B4GALT1: variants seen among roughly 807,000 people sequenced by gnomAD.
B4GALT1 encodes N-acetyllactosamine synthase.
Under a neutral mutation model 34.9 loss-of-function variants are expected in B4GALT1, and 16 were observed. That is an observed-to-expected ratio of 0.46 (90% confidence interval 0.31 to 0.70). The LOEUF is 0.70. Ranked by LOEUF, B4GALT1 falls within the 30% of genes least tolerant of loss-of-function variation. B4GALT1 has a pLI of 0.05. For synonymous variants in B4GALT1, 221 were observed against 218.1 expected (o/e 1.01, Z -0.12); for missense variants, 445 against 530.5 (o/e 0.84, Z 1.58).
chr9:33,135,669 A>C (rs1203890512), intron 1 of B4GALT1, among the ~76,000 whole-genome samples: 1 of 152,196 alleles, frequency 6.6e-6, no homozygotes, highest in Admixed American at 6.5e-5. Flanking sequence ...CACTCTGTGA[A>C]GCACTCGCCT....
chr9:33,112,067 A>G lies in B4GALT1; in HGVS notation c.*1387T>C, dbSNP rs867596198. The stretch of plus-strand genomic sequence containing the variant: ...GTTTTAGGGGACAGGCAAGAGGCAA[A>G]GGAACAAAAAGGGAGACGAAGGAAG... On this transcript the variant is annotated 3_prime_UTR_variant, in exon 6 of 6. Coordinates refer to ENST00000379731, the MANE Select transcript of B4GALT1 (RefSeq NM_001497.4). 1.9e-4 allele frequency: 29 copies of G among 152,902 alleles called. No homozygotes were observed. Among genetic ancestry groups the G allele is most frequent in the Non-Finnish European group, 3.2e-4 (22 of 68,200 alleles). 9.5% of individuals were successfully genotyped at this position (152,902 alleles called of 1,614,324 possible). A position where few individuals can be genotyped will look rare whatever the true frequency, so the allele number is the denominator to read the frequency against.
intron 1 of B4GALT1, among the ~76,000 whole-genome samples, chr9:33,164,050 G>A (rs1422964597): frequency 6.6e-6 from 1 of 152,128 alleles, no homozygotes; most frequent in African/African-American, 2.4e-5. Flanking sequence ...AACTCCAACA[G>A]CAACCCATCA....
chr9:33,136,411 G>A (rs570967896), intron 1 of B4GALT1, among the ~76,000 whole-genome samples: 30 of 152,160 alleles, frequency 2.0e-4, no homozygotes, highest in Non-Finnish European at 2.9e-4. Context: ...TGAGAGTCAA[G>A]AGCCAAGGCT....
At chr9:33,181,272 T>G in the B4GALT1 span, among the ~76,000 whole-genome samples, 1 of 151,876 alleles carries the variant, frequency 6.6e-6, no homozygotes, top group Non-Finnish European at 1.5e-5. Flanking sequence ...ATAAAAAAAA[T>G]TAGCCAGGCG....
chr9:33,146,995 C>G (rs1840435652), intron 1 of B4GALT1, among the ~76,000 whole-genome samples: 1 of 152,118 alleles, frequency 6.6e-6, no homozygotes, highest in African/African-American at 2.4e-5. Flanking sequence ...GCCACCACAC[C>G]TGGCCCCCAA....
the B4GALT1 span, among the ~76,000 whole-genome samples, chr9:33,176,787 C>T: frequency 6.6e-6 from 1 of 152,126 alleles, no homozygotes; most frequent in Admixed American, 6.5e-5. Flanking sequence ...CAAACCTCAG[C>T]ATCATGCAAT....
At chr9:33,144,953 G>A (rs1483337194) in intron 1 of B4GALT1, among the ~76,000 whole-genome samples, 1 of 152,204 alleles carries the variant, frequency 6.6e-6, no homozygotes, top group African/African-American at 2.4e-5. Flanking sequence ...TCTTGCCTTT[G>A]ATGTTTTAGA....
chr9:33,107,955 AGTTCAAGAC>A (rs1266220909), downstream of B4GALT1, among the ~76,000 whole-genome samples: 1 of 152,134 alleles, frequency 6.6e-6, no homozygotes, highest in Non-Finnish European at 1.5e-5. Flanking sequence ...CACATAGCAA[AGTTCAAGAC>A]GTGTGCCCCA....
intron 4 of B4GALT1, among the ~76,000 whole-genome samples, chr9:33,114,780 G>C (rs933666790): frequency 4.6e-5 from 7 of 152,224 alleles, no homozygotes; most frequent in African/African-American, 7.2e-5. Context: ...TCCTGGCCTT[G>C]CCTGGCACAC....
At chr9:33,158,928 G>C (rs1005440021) in intron 1 of B4GALT1, among the ~76,000 whole-genome samples, 4 of 152,056 alleles carry the variant, frequency 2.6e-5, no homozygotes, top group African/African-American at 4.8e-5. Flanking sequence ...TTCTCTTCCT[G>C]GGGGGAGGGG....
intron 1 of B4GALT1, among the ~76,000 whole-genome samples, chr9:33,154,761 G>A (rs560388038): frequency 2.2e-4 from 33 of 152,242 alleles, no homozygotes; most frequent in Middle Eastern, 3.4e-3. Flanking sequence ...CCAACCGATG[G>A]CCCATGGGCC....
chr9:33,120,128 G>C (rs932569206), intron 3 of B4GALT1, among the ~76,000 whole-genome samples: 6 of 151,552 alleles, frequency 4.0e-5, no homozygotes, highest in Non-Finnish European at 8.8e-5. Flanking sequence ...AGGTTGCGGT[G>C]AGCCAAGATC....
At chr9:33,143,659 T>A (rs1432590262) in intron 1 of B4GALT1, among the ~76,000 whole-genome samples, 1 of 152,202 alleles carries the variant, frequency 6.6e-6, no homozygotes. Flanking sequence ...TTGATGCAAT[T>A]CCCTGGACTA....
chr9:33,104,520 T>G (rs1002676813), exon 3 of B4GALT1: 2 of 333,988 alleles, frequency 6.0e-6, no homozygotes, highest in East Asian at 1.6e-4. Flanking sequence ...CCAGACTCCT[T>G]AGGGGAGGAC....
In B4GALT1 at chr9:33,111,276, A is replaced by ACAAAAAAAAAAC. The variant is rs1307903241; in HGVS notation, c.*2177_*2178insGTTTTTTTTTTG. The ACAAAAAAAAAAC allele has an allele frequency of 9.4e-6, 1 of 105,932 alleles. No homozygotes were observed. Among genetic ancestry groups the ACAAAAAAAAAAC allele is most frequent in the Non-Finnish European group, 2.0e-5 (1 of 49,228 alleles). 6.6% of individuals were successfully genotyped at this position (105,932 alleles called of 1,614,324 possible). On this transcript the variant is annotated 3_prime_UTR_variant, in exon 6 of 6. Coordinates refer to ENST00000379731, the MANE Select transcript of B4GALT1 (RefSeq NM_001497.4). ...AAAAAAAAAAAAAAAAAAAAAAAAAAAACAACAAGAAAAGGTAGAGTTTGG... is the reference window on the plus strand; with the variant it reads ...AAAAAAAAAAAAAAAAAAAAAAAAAACAAAAAAAAAACAACAACAAGAAAAGGTAGAGTTTGG...
At chr9:33,141,807 C>T (rs1255917270) in intron 1 of B4GALT1, among the ~76,000 whole-genome samples, 1 of 152,136 alleles carries the variant, frequency 6.6e-6, no homozygotes, top group Non-Finnish European at 1.5e-5. Flanking sequence ...GCTATCCTCT[C>T]TGCTTCTCTG....
In B4GALT1 at chr9:33,113,453, G is replaced by A. The variant is rs767768449; in HGVS notation, c.*1C>T. 24 of 1,614,062 alleles carry A rather than the reference G, an allele frequency of 1.5e-5. No homozygotes were observed. The highest frequency in any genetic ancestry group is 1.6e-4 in the Middle Eastern group (1 of 6,082). Reference sequence around the variant, plus strand: ...AGGTCTCTTATCCGTGTACCAAAACGCTAGCTCGGTGTCCCGATGTCCACT... The same window carrying A: ...AGGTCTCTTATCCGTGTACCAAAACACTAGCTCGGTGTCCCGATGTCCACT... On this transcript the variant is annotated 3_prime_UTR_variant, in exon 6 of 6. Coordinates refer to ENST00000379731, the MANE Select transcript of B4GALT1 (RefSeq NM_001497.4).
At position 33,166,897 on chromosome 9, in the gene B4GALT1, G is replaced by A. The variant is rs763953243; in HGVS notation, c.273C>T (p.Ser91=). 13 of 1,580,144 alleles carry A rather than the reference G, an allele frequency of 8.2e-6. No individual in the cohort carries two copies. Among genetic ancestry groups the A allele is most frequent in the Middle Eastern group, 1.7e-4 (1 of 5,850 alleles). Residue 91 remains serine (S), a synonymous_variant, in exon 1 of 6, where the codon TCC becomes TCT. Transcript: ENST00000379731. ...GARPPPPLGA[S]SQPRPGGDSS... ...AGTCGCCACCCGGGCGCGGCTGGGA[G>A]GAGGCGCCTAGAGGAGGCGGCGGCC... is the stretch of plus-strand genomic sequence containing the variant.
rs73472943 is a variant in B4GALT1 at position 33,166,747 on chromosome 9, C to T, written c.412+11G>A. ...CCCAATCCTCCGACTGGCGCCGACC[C>T]GAGTCCTTACCAAGCAGCGGGGACT... On this transcript the variant is annotated intron_variant, in intron 1 of 5. Transcript: ENST00000379731. 1 of 1,500,470 alleles carries T rather than the reference C, an allele frequency of 6.7e-7. No individual in the cohort carries two copies. Among genetic ancestry groups the T allele is most frequent in the Non-Finnish European group, 8.8e-7 (1 of 1,132,042 alleles). 92.9% of individuals were successfully genotyped at this position (1,500,470 alleles called of 1,614,324 possible). A position where few individuals can be genotyped will look rare whatever the true frequency, so the allele number is the denominator to read the frequency against.
Sources: allele counts gnomAD v4.1 joint callset (sites outside exome capture counted in the v4.1 genomes callset), GRCh38; gene constraint gnomAD v4.1.1; transcripts MANE v1.5; gene names NCBI Gene and HGNC (gene_info 2026-07-23, HGNC 2026-07-21).